The following SYNE2 variants were observed in gnomAD, a reference collection of about 807,000 sequenced individuals.
SYNE2 encodes the protein spectrin repeat containing nuclear envelope protein 2.
Under a neutral mutation model 856.3 loss-of-function variants are expected in SYNE2, and 431 were observed. The observed-to-expected ratio is 0.50, with a 90% CI of 0.47 to 0.55. The LOEUF (loss-of-function observed/expected upper bound fraction) is 0.55, where lower values mean the gene tolerates loss of function less well. Ranked by LOEUF, SYNE2 falls within the 20% of genes least tolerant of loss-of-function variation. SYNE2 has a pLI of 0.00. For missense variants in SYNE2, 8,129 were observed against 8,023.2 expected, an observed-to-expected ratio of 1.01 and a Z score of -0.50; for synonymous variants, 2,923 against 2,872.3, an observed-to-expected ratio of 1.02 and a Z score of -0.56.
chr14:63,778,577 T>C (rs1251002392), intron 1 of SYNE2, among the ~76,000 whole-genome samples: 1 of 152,138 alleles, frequency 6.6e-6, no homozygotes, highest in Non-Finnish European at 1.5e-5. Context: ...TGCAGTGGCA[T>C]GATTATAGCT....
chr14:63,773,164 T>G (rs925894139), intron 1 of SYNE2, among the ~76,000 whole-genome samples: 4 of 152,112 alleles, frequency 2.6e-5, no homozygotes, highest in Admixed American at 2.6e-4. Context: ...CTCCATTTTG[T>G]TATTATAAAT....
chr14:63,951,147 T>C (rs572048255), intron 7 of SYNE2, among the ~76,000 whole-genome samples: 1 of 152,264 alleles, frequency 6.6e-6, no homozygotes, highest in East Asian at 1.9e-4. Flanking sequence ...CTAGAACAGC[T>C]GTCGAGTTCA....
intron 1 of SYNE2, among the ~76,000 whole-genome samples, chr14:63,773,447 C>T (rs1393851946): frequency 6.6e-5 from 10 of 152,076 alleles, no homozygotes; most frequent in East Asian, 1.9e-4. Flanking sequence ...GCAATCCACC[C>T]GCCTCACCCT....
In SYNE2 at chr14:63,998,326, G is replaced by C. The variant is rs761737904; in HGVS notation, c.3351G>C (p.Glu1117Asp). 10 of 1,583,610 alleles carry C rather than the reference G, an allele frequency of 6.3e-6. No individual in the cohort carries two copies. The South Asian group carries it at 1.1e-4, about 18-fold the overall frequency. ...GTGCATCTATAAATAGTTTACTAGA[G>C]AGGTAAACTCTTTTTAAAAACAACT... ...DYSASINSLL[E>D]RYDTYRDILE... Residue 1117 changes from glutamate to aspartate, a missense_variant and splice_region_variant, in exon 26 of 116, where the codon GAG (glutamate) becomes GAC (aspartate). Physicochemically the swap from Glu to Asp is conservative, Grantham distance 45 (BLOSUM62 2). Around this residue, in one of 3 missense-constraint regions of SYNE2, gnomAD observed 2,422 missense variants for 2,357.4 expected, o/e 1.03. Transcript: ENST00000555002.
chr14:63,803,034 CT>C (rs1230157773), intron 1 of SYNE2, among the ~76,000 whole-genome samples: 2 of 152,216 alleles, frequency 1.3e-5, no homozygotes, highest in East Asian at 3.9e-4. Flanking sequence ...CCAATAATGG[CT>C]CAGGCAGCCT....
intron 111 of SYNE2, 185 bp from the exon 112 acceptor site, chr14:64,221,391 C>G: frequency 6.5e-6 from 7 of 1,078,856 alleles, no homozygotes; most frequent in Non-Finnish European, 9.6e-6. Context: ...TGCTGAGTGT[C>G]TTCCTTCTTT....
intron 94 of SYNE2, among the ~76,000 whole-genome samples, chr14:64,171,098 AAAAAAT>A (rs1357192987): frequency 5.3e-5 from 8 of 152,322 alleles, no homozygotes; most frequent in Non-Finnish European, 8.8e-5. Context: ...ACTGATTTAA[AAAAAAT>A]AAAAATAAAG....
At chr14:64,199,121 C>G (rs1210082158) in intron 99 of SYNE2, among the ~76,000 whole-genome samples, 1 of 152,174 alleles carries the variant, frequency 6.6e-6, no homozygotes, top group Admixed American at 6.5e-5. Context: ...CAGGCACCTG[C>G]TAAGAGCCCA....
intron 29 of SYNE2, 52 bp downstream of exon 29, chr14:64,002,133 G>T: frequency 7.2e-7 from 1 of 1,398,182 alleles, no homozygotes. Context: ...AGTCTTTTGA[G>T]ATTTATAAAT....
Position 64,225,723 on chromosome 14 carries a change from C to T in SYNE2, c.*197C>T. On this transcript the variant is annotated 3_prime_UTR_variant, in exon 116 of 116. Coordinates refer to ENST00000555002, the MANE Select transcript of SYNE2 (RefSeq NM_182914.3). ...TGTGTTCCTCCCCAGGAGCAGGGAA[C>T]CTGTGTGGCAGGTGCCCCGGGTATT... 3.1e-6 allele frequency: 2 copies of T among 649,354 alleles called. No individual in the cohort carries two copies. The highest frequency in any genetic ancestry group is 5.0e-5 in the Admixed American group (2 of 39,764). 40.2% of individuals were successfully genotyped at this position (649,354 alleles called of 1,614,324 possible).
rs1479294470 is a variant in SYNE2, at chr14:64,221,919, C to T, written c.20190+215C>T. Among the ~76,000 whole-genome samples, 3 of 152,234 alleles carry T rather than the reference C, an allele frequency of 2.0e-5. No individual in the cohort carries two copies. In the East Asian group the frequency reaches 5.8e-4, roughly 29 times the overall value. Reference sequence around the variant, plus strand: ...AATGACTTGCAGGAATGGAGAGCCACAGTCCACAGAACTGAGGACATAGGT... The same window carrying T: ...AATGACTTGCAGGAATGGAGAGCCATAGTCCACAGAACTGAGGACATAGGT... On this transcript the variant is annotated intron_variant, in intron 112 of 115. Transcript: ENST00000555002.
chr14:63,969,211 C>G (rs1035473647), intron 11 of SYNE2, among the ~76,000 whole-genome samples: 2 of 150,742 alleles, frequency 1.3e-5, no homozygotes, highest in African/African-American at 2.4e-5. Context: ...GCTCCGTTGC[C>G]CAGGCTAGAG....
At position 63,987,658 on chromosome 14, in the gene SYNE2, A is replaced by G. The variant is rs187004302; in HGVS notation, c.2313+1041A>G. 1.7e-3 allele frequency among the ~76,000 whole-genome samples: 263 copies of G among 152,326 alleles called. 1 individual carries two copies. Among genetic ancestry groups the G allele is most frequent in the African/African-American group, 5.8e-3 (241 of 41,586 alleles). On this transcript the variant is annotated intron_variant, in intron 19 of 115. Transcript: ENST00000555002. ...TTTGAAAATATTATATAAATCTATC[A>G]TGCCATCTCATCTGCCAGTGCTTTT... is the stretch of plus-strand genomic sequence containing the variant.
chr14:63,828,101 G>A (rs1555342726), intron 1 of SYNE2, among the ~76,000 whole-genome samples: 1 of 151,980 alleles, frequency 6.6e-6, no homozygotes, highest in South Asian at 2.1e-4. Context: ...AGAGGCTGTG[G>A]TGGGAGGATT....
rs150527061 is a variant in SYNE2 at position 64,108,538 on chromosome 14, C to G, written c.12609+931C>G. 8.1e-3 allele frequency among the ~76,000 whole-genome samples: 1,232 copies of G among 152,126 alleles called. 13 individuals are homozygous for G. Among genetic ancestry groups the G allele is most frequent in the African/African-American group, 0.028 (1,174 of 41,492 alleles). On this transcript the variant is annotated intron_variant, in intron 65 of 115. Coordinates refer to ENST00000555002, the MANE Select transcript of SYNE2 (RefSeq NM_182914.3). ...AGTTAATTTTGGTGTTTAGCTGGAC[C>G]TAAAGCTCCAAGGGTCTCATCAAAT...
At chr14:64,162,997 T>C in intron 88 of SYNE2, 1 of 198,584 alleles carries the variant, frequency 5.0e-6, no homozygotes, top group East Asian at 1.2e-4. Context: ...TAAAATTCTA[T>C]AGTTTCTGCA....
chr14:63,811,084 C>G (rs986448186), intron 1 of SYNE2, among the ~76,000 whole-genome samples: 2 of 152,296 alleles, frequency 1.3e-5, no homozygotes, highest in East Asian at 1.9e-4. Flanking sequence ...ATCCGCCCAC[C>G]TTGGCCTCCC....
At chr14:63,972,317 G>A (rs2096485898) in intron 11 of SYNE2, among the ~76,000 whole-genome samples, 1 of 152,074 alleles carries the variant, frequency 6.6e-6, no homozygotes, top group Non-Finnish European at 1.5e-5. Context: ...GTGAAATATG[G>A]AAAAATTGCC....
Position 64,026,597 on chromosome 14 carries a change from C to T in SYNE2, c.6271C>T (p.Pro2091Ser), listed in dbSNP as rs771973666. 2 of 1,613,414 alleles carry T rather than the reference C, an allele frequency of 1.2e-6. No individual in the cohort carries two copies. The highest frequency in any genetic ancestry group is 1.3e-5 in the African/African-American group (1 of 74,960). The part of the protein sequence containing the change: ...QKIKEIILLK[P>S]EGDARIETIM... ...AATTCAGGAAATCATTTTGCTGAAG[C>T]CTGAAGGGGATGCCAGAATAGAGAC... The change falls in exon 42 of 116, where the codon CCT (proline) becomes TCT (serine). Residue 2091 changes from proline (P) to serine (S), a missense_variant. Pro to Ser is a moderately conservative substitution (Grantham distance 74, BLOSUM62 -1). Coordinates refer to ENST00000555002, the MANE Select transcript of SYNE2 (RefSeq NM_182914.3).
Sources: gnomAD v4.1 joint callset for allele counts (sites outside exome capture counted in the v4.1 genomes callset) on GRCh38, gnomAD v4.1.1 for gene constraint, gnomAD v4.1.1 regional missense constraint, MANE v1.5 for transcripts, NCBI Gene and HGNC (gene_info 2026-07-23, HGNC 2026-07-21) for gene names.